The following NAV1 variants were observed in gnomAD, a reference collection of about 807,000 sequenced individuals.
NAV1 encodes the protein pore membrane and/or filament interacting like protein 3.
In NAV1, 18 loss-of-function variants were observed where a neutral mutation model predicts 175.2. The observed-to-expected ratio is 0.10, with a 90% CI of 0.07 to 0.15. The LOEUF is 0.15. Ranked by LOEUF, NAV1 falls within the 10% of genes least tolerant of loss-of-function variation. The probability of loss-of-function intolerance (pLI) is 1.00; values close to 1 mark genes in which losing one functional copy is unlikely to be tolerated. For missense variants in NAV1, 1,731 were observed against 2,436.6 expected (o/e 0.71, Z 6.10); for synonymous variants, 897 against 978.7 (o/e 0.92, Z 1.56).
rs1232603189 is a variant in NAV1 at position 201,718,079 on chromosome 1, T to G, written c.861-311T>G. Among the ~76,000 whole-genome samples the G allele has an allele frequency of 3.9e-5, 6 of 152,256 alleles. No homozygotes were observed. Among genetic ancestry groups the G allele is most frequent in the Non-Finnish European group, 5.9e-5 (4 of 68,046 alleles). On this transcript the variant is annotated intron_variant, in intron 2 of 29. Coordinates refer to ENST00000367296, the Ensembl canonical transcript of NAV1. The surrounding 1 kb of genome is among the most constrained non-coding windows in gnomAD (Gnocchi z 4.8). ...TGAAGCTTTAGTTATTTACTTTCCT[T>G]GGGCTCCTTTACTAACCAATACCAA...
At chr1:201,660,150 C>T (rs542135702) in intron 1 of NAV1, among the ~76,000 whole-genome samples, 10 of 152,278 alleles carry the variant, frequency 6.6e-5, no homozygotes, top group African/African-American at 2.4e-4. Flanking sequence ...ACTGCAGCAC[C>T]CGGGAAAGAG....
At position 201,708,978 on chromosome 1, in the gene NAV1, G is replaced by C. The variant is rs552300584; in HGVS notation, c.758-3839G>C. Among the ~76,000 whole-genome samples, 1,103 of 152,010 alleles carry C rather than the reference G, an allele frequency of 7.3e-3. 3 individuals carry two copies. The highest frequency in any genetic ancestry group is 0.032 in the South Asian group (156 of 4,822). On this transcript the variant is annotated intron_variant, in intron 1 of 29. Transcript: ENST00000367296. ...AGCTTGGGCAACATGGCAAAACCCC[G>C]TCTCTACTAAAAATGCAAAAATTAG...
chr1:201,773,732 G>T (rs1452939468), intron 3 of NAV1, among the ~76,000 whole-genome samples: 5 of 152,170 alleles, frequency 3.3e-5, no homozygotes, highest in Admixed American at 6.5e-5. Flanking sequence ...ATTTTGGAGG[G>T]TAGACTAGAT....
intron 3 of NAV1, among the ~76,000 whole-genome samples, chr1:201,764,546 G>A (rs1289331424): frequency 2.6e-5 from 4 of 152,054 alleles, no homozygotes; most frequent in East Asian, 1.9e-4. Flanking sequence ...CTCCCTGAAC[G>A]CCCCATCTCC....
At chr1:201,673,538 C>T (rs1304654959) in intron 1 of NAV1, among the ~76,000 whole-genome samples, 1 of 152,224 alleles carries the variant, frequency 6.6e-6, no homozygotes, top group Non-Finnish European at 1.5e-5. Context: ...CCACTCTCAG[C>T]ATTGGCCATT....
intron 1 of NAV1, among the ~76,000 whole-genome samples, chr1:201,554,164 GAC>G (rs1454500573): frequency 2.0e-5 from 3 of 152,216 alleles, no homozygotes; most frequent in African/African-American, 7.2e-5. Flanking sequence ...TTCCCCATAA[GAC>G]AGAATGTTAT....
chr1:201,785,220 C>A, intron 7 of NAV1, 90 bp from the exon 12 acceptor site: 1 of 1,411,870 alleles, frequency 7.1e-7, no homozygotes, highest in South Asian at 1.2e-5. Flanking sequence ...GTCTGCATAC[C>A]TCACACCAAT....
At chr1:201,578,216 A>G (rs1306331956) in intron 1 of NAV1, among the ~76,000 whole-genome samples, 1 of 151,898 alleles carries the variant, frequency 6.6e-6, no homozygotes, top group African/African-American at 2.4e-5. Flanking sequence ...CATATTGGTT[A>G]ATTTCTATTG....
chr1:201,540,890 GA>G (rs1373907960), intron 1 of NAV1, among the ~76,000 whole-genome samples: 1 of 152,178 alleles, frequency 6.6e-6, no homozygotes, highest in Non-Finnish European at 1.5e-5. Flanking sequence ...GTGGAGCCAG[GA>G]AAAAATCGCT....
intron 3 of NAV1, among the ~76,000 whole-genome samples, chr1:201,736,871 C>T (rs566869887): frequency 1.5e-3 from 229 of 152,190 alleles, no homozygotes; most frequent in African/African-American, 5.1e-3. Context: ...TGACTCCCAG[C>T]TCCCTTTCAG....
Position 201,807,065 on chromosome 1 carries a change from G to A in NAV1, c.3649-888G>A, listed in dbSNP as rs1427389503. Among the ~76,000 whole-genome samples, 2 of 151,972 alleles carry A rather than the reference G, an allele frequency of 1.3e-5. No homozygotes were observed. Among genetic ancestry groups the A allele is most frequent in the Admixed American group, 6.6e-5 (1 of 15,256 alleles). On this transcript the variant is annotated intron_variant, in intron 17 of 29. Transcript: ENST00000367296. The surrounding 1 kb of genome is among the most constrained non-coding windows in gnomAD (Gnocchi z 5.4). The stretch of plus-strand genomic sequence containing the variant: ...GTGTGTGTGTATGTGTGTGTGTGGT[G>A]TGTGGTGTGTGCATGCTGTATGGAT...
chr1:201,633,396 A>G (rs1419476894), intron 2 of NAV1, among the ~76,000 whole-genome samples: 3 of 152,348 alleles, frequency 2.0e-5, no homozygotes, highest in Non-Finnish European at 4.4e-5. Context: ...AGGGTTATAT[A>G]AAACCTGTCT....
chr1:201,543,748 A>G (rs530075358), intron 1 of NAV1, among the ~76,000 whole-genome samples: 4 of 152,164 alleles, frequency 2.6e-5, no homozygotes, highest in African/African-American at 9.7e-5. Context: ...TTGTTGTATA[A>G]CCATCACCTG....
chr1:201,752,292 C>T (rs1053708468), intron 3 of NAV1, among the ~76,000 whole-genome samples: 8 of 152,264 alleles, frequency 5.3e-5, no homozygotes, highest in South Asian at 2.1e-4. Context: ...CCTTAAGACC[C>T]GAATTAAAGA....
chr1:201,629,345 A>G (rs376866304), intron 1 of NAV1, 59 bp from the exon 4 acceptor site: 1 of 1,161,958 alleles, frequency 8.6e-7, no homozygotes, highest in African/African-American at 1.6e-5. Context: ...AGCCCCATGG[A>G]GGGGCTTAGA....
At chr1:201,580,096 G>C (rs756500197) in intron 1 of NAV1, among the ~76,000 whole-genome samples, 1 of 152,226 alleles carries the variant, frequency 6.6e-6, no homozygotes, top group Non-Finnish European at 1.5e-5. Context: ...GGAGAAAACT[G>C]TCCCAGCTCC....
At chr1:201,618,525 A>G (rs1441639310), upstream of NAV1, among the ~76,000 whole-genome samples, 1 of 152,074 alleles carries the variant, frequency 6.6e-6, no homozygotes, top group African/African-American at 2.4e-5. Flanking sequence ...TATCTCTGGA[A>G]GGCCCCATGC....
At chr1:201,711,833 T>C (rs576473176) in intron 1 of NAV1, among the ~76,000 whole-genome samples, 4 of 152,368 alleles carry the variant, frequency 2.6e-5, no homozygotes, top group Admixed American at 1.3e-4. Flanking sequence ...GTGAAGTAAG[T>C]GCTTGATAAA....
At chr1:201,651,939 G>T (rs1398164418) in intron 1 of NAV1, among the ~76,000 whole-genome samples, 3 of 151,988 alleles carry the variant, frequency 2.0e-5, no homozygotes, top group Non-Finnish European at 4.4e-5. Flanking sequence ...GAGGGGAGTT[G>T]GTGACCTCCA....
Sources: allele counts gnomAD v4.1 joint callset (sites outside exome capture counted in the v4.1 genomes callset), GRCh38; gene constraint gnomAD v4.1.1; non-coding constraint Gnocchi (gnomAD v3.1); transcripts MANE v1.5; gene names NCBI Gene and HGNC (gene_info 2026-07-23, HGNC 2026-07-21).